The following CHEK1 variants were observed in gnomAD, a reference collection of about 807,000 sequenced individuals.
CHEK1 encodes the protein serine/threonine-protein kinase Chk1.
CHEK1 carries 32 observed loss-of-function variants against 60.2 expected under a neutral mutation model. That is an observed-to-expected ratio of 0.53 (90% CI 0.40 to 0.71). The LOEUF (loss-of-function observed/expected upper bound fraction) is 0.71, where lower values mean the gene tolerates loss of function less well. Ranked by LOEUF, CHEK1 falls within the 30% of genes least tolerant of loss-of-function variation. The pLI, the probability that CHEK1 is intolerant of heterozygous loss-of-function variation, is 0.00. For missense variants in CHEK1, 399 were observed against 564.6 expected (o/e 0.71, Z 2.97); for synonymous variants, 179 against 187.2 (o/e 0.96, Z 0.36).
chr11:125,626,990 C>T (rs1028241910), intron 2 of CHEK1, among the ~76,000 whole-genome samples, 157 bp downstream of exon 2: 7 of 151,884 alleles, frequency 4.6e-5, no homozygotes, highest in Admixed American at 1.3e-4. Flanking sequence ...TTTTCCTTCC[C>T]TTTAAAAAAA....
chr11:125,640,521 A>G (rs1374690314), intron 8 of CHEK1, among the ~76,000 whole-genome samples: 16 of 151,580 alleles, frequency 1.1e-4, no homozygotes, highest in South Asian at 2.1e-4. Context: ...CAGCCTGGGC[A>G]ACAGCGAGAC....
At chr11:125,629,502 AATTACCT>A in intron 5 of CHEK1, 42 bp downstream of exon 5, 1 of 1,347,156 alleles carries the variant, frequency 7.4e-7, no homozygotes. Flanking sequence ...AAAATAAAAT[AATTACCT>A]AAATTATTTT....
chr11:125,663,226 T>A (rs1463465169), intron 13 of CHEK1, among the ~76,000 whole-genome samples: 2 of 152,190 alleles, frequency 1.3e-5, no homozygotes, highest in Non-Finnish European at 2.9e-5. Context: ...TTAATTTCAA[T>A]GAAATCCAGT....
At chr11:125,678,978 T>TTATATATATATATATA (rs10522682), downstream of CHEK1, among the ~76,000 whole-genome samples, 1,600 of 88,194 alleles carry the variant, frequency 0.018, 89 homozygotes, top group Middle Eastern at 0.024. Flanking sequence ...TCTAGGCATA[T>TTATATATATATATATA]TATATATATA....
At position 125,655,538 on chromosome 11, in the gene CHEK1, A is replaced by G; in HGVS notation, c.*218A>G. 4 of 375,560 alleles carry G rather than the reference A, an allele frequency of 1.1e-5. No individual in the cohort carries two copies. The highest frequency in any genetic ancestry group is 1.9e-5 in the Non-Finnish European group (4 of 211,586). 23.3% of individuals were successfully genotyped at this position (375,560 alleles called of 1,614,324 possible). On this transcript the variant is annotated 3_prime_UTR_variant, in exon 13 of 13. Coordinates refer to ENST00000438015, the MANE Select transcript of CHEK1 (RefSeq NM_001114122.3). ...AAGCAAAACTTTGGGGAAAGGATGA[A>G]TAGAATTCATTTGATTATTTCTTCA... is the stretch of plus-strand genomic sequence containing the variant.
chr11:125,629,473 TTTTATC>T lies in CHEK1; in HGVS notation c.424+14_424+19del. 6.4e-7 allele frequency: 1 copy of T among 1,554,090 alleles called. No homozygotes were observed. The highest frequency in any genetic ancestry group is 8.9e-7 in the Non-Finnish European group (1 of 1,129,746). On this transcript the variant is annotated intron_variant, in intron 5 of 12. Coordinates refer to ENST00000438015, the MANE Select transcript of CHEK1 (RefSeq NM_001114122.3). ...TTGGATGAAAGGGGTAAGTTTAGCA[TTTTATC>T]ACTACCTAAAATAAAATAAAATAAT... is the stretch of plus-strand genomic sequence containing the variant.
intron 13 of CHEK1, among the ~76,000 whole-genome samples, chr11:125,673,101 C>G (rs1378722160): frequency 6.6e-6 from 1 of 151,722 alleles, no homozygotes. Flanking sequence ...GCCGAAACCT[C>G]TCTCAAAAGT....
At chr11:125,664,176 A>G (rs1385360443) in intron 13 of CHEK1, among the ~76,000 whole-genome samples, 2 of 151,794 alleles carry the variant, frequency 1.3e-5, no homozygotes, top group Non-Finnish European at 2.9e-5. Flanking sequence ...AGATATCTCA[A>G]TGTGGTATCT....
intron 1 of CHEK1, 38 bp downstream of exon 1, chr11:125,626,050 AAAG>A (rs1412580043): frequency 8.7e-6 from 6 of 688,836 alleles, no homozygotes; most frequent in East Asian, 2.7e-5. Flanking sequence ...GAAGGTTTCT[AAAG>A]AAGGAGTTCG....
chr11:125,670,440 T>C (rs1263908183), intron 13 of CHEK1, among the ~76,000 whole-genome samples: 1 of 152,230 alleles, frequency 6.6e-6, no homozygotes, highest in East Asian at 1.9e-4. Flanking sequence ...TGAGGAATTG[T>C]AGAGATTCTG....
downstream of CHEK1, among the ~76,000 whole-genome samples, chr11:125,661,573 A>G (rs1942015969): frequency 6.6e-6 from 1 of 152,094 alleles, no homozygotes; most frequent in Non-Finnish European, 1.5e-5. Context: ...TGGCCTCCTA[A>G]AGTACTGACA....
chr11:125,626,158 G>T, intron 1 of CHEK1, 146 bp downstream of exon 1: 1 of 611,366 alleles, frequency 1.6e-6, no homozygotes, highest in South Asian at 1.9e-5. Context: ...CGGTTTCGGA[G>T]GGTGGAGGAA....
At chr11:125,669,522 CTTTT>C (rs67333022) in intron 13 of CHEK1, among the ~76,000 whole-genome samples, 2 of 114,700 alleles carry the variant, frequency 1.7e-5, no homozygotes, top group Non-Finnish European at 1.8e-5. Flanking sequence ...TTCTTTTTTC[CTTTT>C]TTTTTTTTTT....
At chr11:125,660,901 G>A (rs1322171861), downstream of CHEK1, among the ~76,000 whole-genome samples, 5 of 151,546 alleles carry the variant, frequency 3.3e-5, no homozygotes, top group African/African-American at 7.3e-5. Flanking sequence ...TCAGCCTCCC[G>A]AGTAGCTGGG....
chr11:125,626,034 A>C (rs1565360147), intron 1 of CHEK1, 22 bp downstream of exon 1: 1 of 694,962 alleles, frequency 1.4e-6, no homozygotes, highest in Non-Finnish European at 2.6e-6. Flanking sequence ...CGGCCGGTAG[A>C]GTAGGGAAGG....
At chr11:125,676,282 G>T, downstream of CHEK1, 1 of 1,545,054 alleles carries the variant, frequency 6.5e-7, no homozygotes, top group Non-Finnish European at 8.9e-7. Context: ...CTGGGCCCCT[G>T]TCATTCCAAC....
At chr11:125,659,421 C>T (rs542531201), downstream of CHEK1, among the ~76,000 whole-genome samples, 14 of 151,872 alleles carry the variant, frequency 9.2e-5, no homozygotes, top group Non-Finnish European at 1.6e-4. Flanking sequence ...TAAATACATT[C>T]GAGATACTAG....
chr11:125,635,692 A>G, intron 7 of CHEK1, 159 bp downstream of exon 7: 1 of 470,990 alleles, frequency 2.1e-6, no homozygotes, highest in Non-Finnish European at 3.8e-6. Flanking sequence ...TAAGGAAAAA[A>G]TAACTCTTTA....
chr11:125,629,403 G>C lies in CHEK1; in HGVS notation c.367G>C (p.Gly123Arg). 1 of 1,613,548 alleles carries C rather than the reference G, an allele frequency of 6.2e-7. No homozygotes were observed. Among genetic ancestry groups the C allele is most frequent in the Non-Finnish European group, 8.5e-7 (1 of 1,179,758 alleles). Residue 123 changes from glycine to arginine, a missense_variant, in exon 5 of 13, where the codon GGT becomes CGT. Transcript: ENST00000438015. ...QLMAGVVYLH[G>R]IGITHRDIKP... ...GCATCCCTCTTAGGTTTATCTGCAT[G>C]GTATTGGAATAACTCACAGGGATAT...
Sources: gnomAD v4.1 joint callset for allele counts (sites outside exome capture counted in the v4.1 genomes callset) on GRCh38, gnomAD v4.1.1 for gene constraint, MANE v1.5 for transcripts, NCBI Gene and HGNC (gene_info 2026-07-23, HGNC 2026-07-21) for gene names.